SYNE2: variants seen among roughly 807,000 people sequenced by gnomAD.
The protein encoded by SYNE2 is nesprin-2.
In SYNE2, 431 loss-of-function variants were observed where a neutral mutation model predicts 856.3. That is an observed-to-expected ratio of 0.50 (90% CI 0.47 to 0.55). The LOEUF (loss-of-function observed/expected upper bound fraction) is 0.55. SYNE2 is among the 20% of genes least tolerant of loss of function. The pLI, the probability that SYNE2 is intolerant of heterozygous loss-of-function variation, is 0.00. For synonymous variants in SYNE2, 2,923 were observed against 2,872.3 expected (o/e 1.02, Z -0.56); for missense variants, 8,129 against 8,023.2 (o/e 1.01, Z -0.50).
chr14:64,000,912 A>G (rs983648092), intron 28 of SYNE2, among the ~76,000 whole-genome samples, 193 bp downstream of exon 28: 1 of 152,232 alleles, frequency 6.6e-6, no homozygotes, highest in African/African-American at 2.4e-5. Flanking sequence ...AATATTAATA[A>G]TATAACCAGG....
chr14:64,177,403 C>G lies in SYNE2; in HGVS notation c.17476C>G (p.Leu5826Val). 1 of 1,614,134 alleles carries G rather than the reference C, an allele frequency of 6.2e-7. No homozygotes were observed. The highest frequency in any genetic ancestry group is 8.5e-7 in the Non-Finnish European group (1 of 1,180,014). The change falls in exon 96 of 116, where the codon CTG (leucine) becomes GTG (valine). Residue 5826 changes from leucine to valine, a missense_variant. Coordinates refer to ENST00000555002, the MANE Select transcript of SYNE2 (RefSeq NM_182914.3). ...EKKIKELKSRLQVLKAQSEDP... is the reference protein window; with the variant it reads ...EKKIKELKSRVQVLKAQSEDP... Reference sequence around the variant, plus strand: ...GAAAATCAAGGAGTTGAAAAGCAGGCTGCAAGTTTTAAAGGCACAAAGTGA... The same window carrying G: ...GAAAATCAAGGAGTTGAAAAGCAGGGTGCAAGTTTTAAAGGCACAAAGTGA...
In SYNE2 at chr14:64,163,470, C is replaced by T. The variant is rs1395361762; in HGVS notation, c.16368C>T (p.Leu5456=). ...FLQNSSVLDR[L]PQPAESSTHM... ...AAAATTCCAGTGTCCTGGATCGACT[C>T]CCACAACCCGCAGAGTCCAGCACCC... The change falls in exon 89 of 116, where the codon CTC becomes CTT. Residue 5456 remains leucine, a synonymous_variant. Transcript: ENST00000555002. 3 of 1,614,036 alleles carry T rather than the reference C, an allele frequency of 1.9e-6. No individual in the cohort carries two copies. Among genetic ancestry groups the T allele is most frequent in the African/African-American group, 1.3e-5 (1 of 74,900 alleles).
intron 18 of SYNE2, among the ~76,000 whole-genome samples, chr14:63,985,378 G>T (rs2096617892): frequency 6.8e-6 from 1 of 147,798 alleles, no homozygotes; most frequent in Admixed American, 6.7e-5. Flanking sequence ...ATAAATATAA[G>T]CCATTATAAT....
rs2098427209 is a variant in SYNE2 at position 64,175,049 on chromosome 14, G to T, written c.17341G>T (p.Gly5781Cys). Residue 5781 changes from glycine to cysteine, a missense_variant, in exon 95 of 116, where the codon GGT becomes TGT. Gly to Cys is a radical substitution (Grantham distance 159, BLOSUM62 -3). This residue lies in a region of SYNE2 where 5,410 missense variants were observed against 5,284.8 expected (regional missense o/e 1.02). Coordinates refer to ENST00000555002, the MANE Select transcript of SYNE2 (RefSeq NM_182914.3). ...TTDLKTKESV[G>C]RRISQLQDSW... The stretch of plus-strand genomic sequence containing the variant: ...TGACCTGAAAACTAAAGAGTCTGTG[G>T]GTAGGAGAATCAGTCAACTTCAGGA... 1 of 1,614,158 alleles carries T rather than the reference G, an allele frequency of 6.2e-7. No homozygotes were observed. The highest frequency in any genetic ancestry group is 1.7e-5 in the Admixed American group (1 of 60,018).
At chr14:64,225,115 T>C in intron 115 of SYNE2, 70 bp downstream of exon 115, 1 of 1,588,262 alleles carries the variant, frequency 6.3e-7, no homozygotes, top group South Asian at 1.1e-5. Context: ...GTCTTGCCAA[T>C]GCCACTATCA....
In SYNE2 at chr14:64,168,873, A is replaced by G; in HGVS notation, c.16906-4A>G. The G allele has an allele frequency of 6.2e-7, 1 of 1,606,422 alleles. No homozygotes were observed. Among genetic ancestry groups the G allele is most frequent in the Non-Finnish European group, 8.5e-7 (1 of 1,173,124 alleles). On this transcript the variant is annotated splice_region_variant and splice_polypyrimidine_tract_variant and intron_variant, in intron 92 of 115. Coordinates refer to ENST00000555002, the MANE Select transcript of SYNE2 (RefSeq NM_182914.3). The stretch of plus-strand genomic sequence containing the variant: ...TGATATTTTCTGCTTGGACTCATAT[A>G]CAGATGTTAGAAGCTGAAGTTTCTA...
intron 45 of SYNE2, among the ~76,000 whole-genome samples, chr14:64,036,826 G>GT (rs1373429375): frequency 6.6e-6 from 1 of 152,164 alleles, no homozygotes; most frequent in Non-Finnish European, 1.5e-5. Flanking sequence ...CATCTACTCA[G>GT]TTTAAATTCA....
intron 35 of SYNE2, 97 bp downstream of exon 35, chr14:64,020,190 C>A: frequency 1.0e-4 from 82 of 798,654 alleles, no homozygotes; most frequent in East Asian, 1.6e-4. Context: ...AAAACCCTGT[C>A]TCTAAAAGAA....
chr14:64,089,460 A>T, intron 58 of SYNE2, 114 bp from the exon 59 acceptor site: 2 of 911,568 alleles, frequency 2.2e-6, no homozygotes, highest in South Asian at 3.2e-5. Flanking sequence ...TCAGAGGTAT[A>T]GATGGCAGAC....
chr14:63,940,751 A>G, intron 3 of SYNE2, 76 bp downstream of exon 3: 1 of 1,379,146 alleles, frequency 7.3e-7, no homozygotes, highest in East Asian at 2.4e-5. Context: ...GACCCCAAGG[A>G]GGCCATTAAA....
At chr14:63,939,347 CTTTTTTT>C (rs1056199146) in intron 2 of SYNE2, among the ~76,000 whole-genome samples, 1 of 115,176 alleles carries the variant, frequency 8.7e-6, no homozygotes, top group Admixed American at 9.0e-5. Flanking sequence ...TTTTTTTTTT[CTTTTTTT>C]TTTTTTTTTT....
At chr14:63,991,183 A>G (rs2096663760) in intron 21 of SYNE2, 68 bp downstream of exon 21, 2 of 1,481,932 alleles carry the variant, frequency 1.3e-6, no homozygotes, top group South Asian at 1.2e-5. Context: ...TGAAATCAAG[A>G]TGTTTCCTTC....
At chr14:63,860,784 G>T (rs1227375920) in intron 1 of SYNE2, among the ~76,000 whole-genome samples, 1 of 152,132 alleles carries the variant, frequency 6.6e-6, no homozygotes, top group African/African-American at 2.4e-5. Flanking sequence ...TGACACACAG[G>T]TAAAAGTCAA....
chr14:63,815,740 C>G (rs991140425), intron 1 of SYNE2, among the ~76,000 whole-genome samples: 7 of 152,006 alleles, frequency 4.6e-5, no homozygotes, highest in African/African-American at 1.7e-4. Context: ...CAGGTATGGA[C>G]AACCTTCGTG....
chr14:64,106,140 C>G lies in SYNE2; in HGVS notation c.12493-1351C>G, dbSNP rs554922225. ...TGGAATTGCATTTCCAGACCCCCCC[C>G]CCCAACCAACACACAAGCTGATTTT... On this transcript the variant is annotated intron_variant, in intron 64 of 115. Transcript: ENST00000555002. Among the ~76,000 whole-genome samples, 342 of 148,896 alleles carry G rather than the reference C, an allele frequency of 2.3e-3. 2 individuals carry two copies. The highest frequency in any genetic ancestry group is 3.3e-3 in the Non-Finnish European group (223 of 66,754).
chr14:64,116,235 A>C (rs1243195982), intron 66 of SYNE2, among the ~76,000 whole-genome samples: 1 of 152,098 alleles, frequency 6.6e-6, no homozygotes, highest in Non-Finnish European at 1.5e-5. Flanking sequence ...TAGTAATGTA[A>C]TATTTGAGAA....
intron 34 of SYNE2, 101 bp from the exon 35 acceptor site, chr14:64,019,891 A>G (rs1458461190): frequency 2.5e-6 from 2 of 812,856 alleles, no homozygotes; most frequent in African/African-American, 3.5e-5. Flanking sequence ...GGGAAATTCA[A>G]GGGCTCTCTC....
chr14:64,220,730 G>T, intron 111 of SYNE2, 93 bp downstream of exon 111: 1 of 1,424,136 alleles, frequency 7.0e-7, no homozygotes, highest in Admixed American at 1.9e-5. Flanking sequence ...GGCTGCTTCC[G>T]TGCAGCCAAA....
intron 1 of SYNE2, among the ~76,000 whole-genome samples, chr14:63,906,607 G>A (rs2095412981): frequency 6.6e-6 from 1 of 152,118 alleles, no homozygotes; most frequent in Admixed American, 6.5e-5. Flanking sequence ...TAGAGTTGTT[G>A]TAGTGGATCT....
Sources: allele counts gnomAD v4.1 joint callset (sites outside exome capture counted in the v4.1 genomes callset), GRCh38; gene constraint gnomAD v4.1.1; regional missense constraint gnomAD v4.1.1; transcripts MANE v1.5; gene names NCBI Gene and HGNC (gene_info 2026-07-23, HGNC 2026-07-21).